The following JARID2 variants were observed in gnomAD, a reference collection of about 807,000 sequenced individuals.
JARID2 encodes the protein jumonji and AT-rich interaction domain containing 2.
Under a neutral mutation model 125.6 loss-of-function variants are expected in JARID2, and 21 were observed. That is an observed-to-expected ratio of 0.17 (90% CI 0.12 to 0.24). The LOEUF (loss-of-function observed/expected upper bound fraction) is 0.24, where lower values mean the gene tolerates loss of function less well. Among genes scored for constraint, JARID2 ranks in the 10% least tolerant of loss-of-function variants. The pLI, the probability that JARID2 is intolerant of heterozygous loss-of-function variation, is 1.00. For synonymous variants in JARID2, 736 were observed against 661.6 expected, an observed-to-expected ratio of 1.11 and a Z score of -1.73; for missense variants, 1,303 against 1,639.6, an observed-to-expected ratio of 0.79 and a Z score of 3.55.
intron 6 of JARID2, among the ~76,000 whole-genome samples, chr6:15,490,541 C>T (rs188194653): frequency 6.6e-5 from 10 of 152,332 alleles, no homozygotes; most frequent in Admixed American, 5.9e-4. Flanking sequence ...GGTGAGAGGG[C>T]TCTGGCCCCG....
chr6:15,496,843 G>T lies in JARID2; in HGVS notation c.1618G>T (p.Gly540Cys). The change falls in exon 7 of 18, where the codon GGC becomes TGC. Residue 540 changes from glycine to cysteine, a missense_variant. This residue lies in a region of JARID2 where 651 missense variants were observed against 581.6 expected (regional missense o/e 1.12). Transcript: ENST00000341776. ...GTCCGTGCACAAGCCGCAGGACTCG[G>T]GCAAGGCCGAGAAGGGCGGCGGCAA... ...PESVHKPQDS[G>C]KAEKGGGKAG... 1 of 1,602,464 alleles carries T rather than the reference G, an allele frequency of 6.2e-7. No homozygotes were observed. Among genetic ancestry groups the T allele is most frequent in the African/African-American group, 1.3e-5 (1 of 74,910 alleles).
chr6:15,333,022 C>T (rs1354203923), intron 1 of JARID2, among the ~76,000 whole-genome samples: 1 of 144,196 alleles, frequency 6.9e-6, no homozygotes, highest in African/African-American at 2.6e-5. Flanking sequence ...GGCTCCGCCT[C>T]CCGGGTTCAC....
At chr6:15,416,013 T>C (rs1352319590) in intron 3 of JARID2, among the ~76,000 whole-genome samples, 2 of 142,314 alleles carry the variant, frequency 1.4e-5, no homozygotes, top group African/African-American at 5.4e-5. Flanking sequence ...CCAGACGGGG[T>C]CATGGCCCGG....
chr6:15,425,375 A>G (rs1766679737), intron 3 of JARID2, among the ~76,000 whole-genome samples: 1 of 152,012 alleles, frequency 6.6e-6, no homozygotes, highest in Non-Finnish European at 1.5e-5. Flanking sequence ...GTTTTGAGCC[A>G]CAGAAATCTG....
chr6:15,509,266 G>C, intron 12 of JARID2: 1 of 985,418 alleles, frequency 1.0e-6, no homozygotes, highest in Non-Finnish European at 1.2e-6. Context: ...CAGATGTCTT[G>C]TCGTCTGATC....
intron 1 of JARID2, among the ~76,000 whole-genome samples, chr6:15,299,234 G>A (rs1561778620): frequency 6.6e-6 from 1 of 152,176 alleles, no homozygotes; most frequent in Non-Finnish European, 1.5e-5. Flanking sequence ...TGTAAAGAAC[G>A]TTGAGTGTAG....
At chr6:15,339,399 A>G (rs1762989387) in intron 1 of JARID2, among the ~76,000 whole-genome samples, 1 of 152,160 alleles carries the variant, frequency 6.6e-6, no homozygotes, top group African/African-American at 2.4e-5. Context: ...GGGACCAGAA[A>G]TTACATTAGA....
At chr6:15,435,545 G>A (rs907734789) in intron 3 of JARID2, among the ~76,000 whole-genome samples, 14 of 152,216 alleles carry the variant, frequency 9.2e-5, no homozygotes, top group Non-Finnish European at 1.8e-4. Flanking sequence ...GCACAAAAGT[G>A]GGGTCATTTC....
In JARID2 at chr6:15,501,229, C is replaced by T; in HGVS notation, c.2268C>T (p.Pro756=). 1 of 1,613,732 alleles carries T rather than the reference C, an allele frequency of 6.2e-7. No homozygotes were observed. Among genetic ancestry groups the T allele is most frequent in the African/African-American group, 1.3e-5 (1 of 75,048 alleles). Residue 756 remains proline (P), a synonymous_variant, in exon 8 of 18, where the codon CCC becomes CCT. Transcript: ENST00000341776. ...HKFHPLPRFE[P]KNGLIHGVAP... ...TCCACCCTCTGCCCCGCTTCGAGCC[C>T]AAGAATGGGCTCATCCACGGCGTGG...
chr6:15,332,930 C>CTTTTTTTTTTT (rs1319288795), intron 1 of JARID2, among the ~76,000 whole-genome samples: 5 of 82,816 alleles, frequency 6.0e-5, no homozygotes, highest in African/African-American at 8.9e-5. Flanking sequence ...CTTTTCTTTT[C>CTTTTTTTTTTT]TTTTCTTTTT....
chr6:15,447,513 T>TG (rs1455187727), intron 3 of JARID2, among the ~76,000 whole-genome samples: 1 of 152,194 alleles, frequency 6.6e-6, no homozygotes, highest in African/African-American at 2.4e-5. Context: ...GCCCAAGGCT[T>TG]GGGAGGGCAC....
chr6:15,497,103 G>C lies in JARID2; in HGVS notation c.1878G>C (p.Gln626His). 1 of 1,576,710 alleles carries C rather than the reference G, an allele frequency of 6.3e-7. No homozygotes were observed. Among genetic ancestry groups the C allele is most frequent in the Non-Finnish European group, 8.6e-7 (1 of 1,161,482 alleles). ...KLGRRWGPNV[Q>H]RLACIKKHLK... ...GCCGGCGCTGGGGCCCCAACGTGCA[G>C]CGGCTGGCCTGCATCAAGAAGCACC... Residue 626 changes from glutamine (Q) to histidine (H), a missense_variant, in exon 7 of 18, where the codon CAG (glutamine) becomes CAC (histidine). This residue lies in a region of JARID2 where 64 missense variants were observed against 166.8 expected (regional missense o/e 0.38). Transcript: ENST00000341776.
chr6:15,457,713 G>A (rs1294521590), intron 4 of JARID2, among the ~76,000 whole-genome samples: 2 of 151,778 alleles, frequency 1.3e-5, no homozygotes, highest in Admixed American at 6.6e-5. Flanking sequence ...GAAAGACAGC[G>A]AGTGGAGTTC....
chr6:15,380,012 T>C (rs1334900565), intron 2 of JARID2, among the ~76,000 whole-genome samples: 1 of 122,860 alleles, frequency 8.1e-6, no homozygotes, highest in Non-Finnish European at 1.7e-5. Flanking sequence ...AGGAGGTAAG[T>C]GGATTTTTTT....
At chr6:15,353,913 C>G (rs1006800181) in intron 1 of JARID2, among the ~76,000 whole-genome samples, 13 of 152,208 alleles carry the variant, frequency 8.5e-5, no homozygotes, top group African/African-American at 2.6e-4. Flanking sequence ...AAAATAAAAA[C>G]AAATGGGGAA....
In JARID2 at chr6:15,501,166, G is replaced by A. The variant is rs1770713164; in HGVS notation, c.2205G>A (p.Gly735=). 6.2e-7 allele frequency: 1 copy of A among 1,614,014 alleles called. No individual in the cohort carries two copies. Among genetic ancestry groups the A allele is most frequent in the Non-Finnish European group, 8.5e-7 (1 of 1,180,032 alleles). ...MEKEILEKRK[G]PLEGHTENDH... ...AGGAGATCCTGGAGAAGCGCAAGGGGCCGCTGGAAGGCCACACAGAGAACG... is the reference window on the plus strand; with the variant it reads ...AGGAGATCCTGGAGAAGCGCAAGGGACCGCTGGAAGGCCACACAGAGAACG... Residue 735 remains glycine, a synonymous_variant, in exon 8 of 18, where the codon GGG becomes GGA. Coordinates refer to ENST00000341776, the MANE Select transcript of JARID2 (RefSeq NM_004973.4).
chr6:15,395,402 A>T (rs565193956), intron 2 of JARID2, among the ~76,000 whole-genome samples: 1 of 151,740 alleles, frequency 6.6e-6, no homozygotes, highest in South Asian at 2.1e-4. Flanking sequence ...AGTAGTTGGG[A>T]CTACAGGCGT....
rs79373810 is a variant in JARID2, at chr6:15,378,967, C to T, written c.181+4715C>T. On this transcript the variant is annotated intron_variant, in intron 2 of 17. Coordinates refer to ENST00000341776, the MANE Select transcript of JARID2 (RefSeq NM_004973.4). ...TGCCCTTCATCTGTGTGAAGGGGGTCGGGTATCTGATGCCTGGGAACAGTG... is the reference window on the plus strand; with the variant it reads ...TGCCCTTCATCTGTGTGAAGGGGGTTGGGTATCTGATGCCTGGGAACAGTG... 7.6e-3 allele frequency among the ~76,000 whole-genome samples: 1,149 copies of T among 152,108 alleles called. 16 individuals carry two copies. Among genetic ancestry groups the T allele is most frequent in the African/African-American group, 0.026 (1,086 of 41,468 alleles).
At chr6:15,300,315 G>A (rs919356599) in intron 1 of JARID2, among the ~76,000 whole-genome samples, 19 of 152,198 alleles carry the variant, frequency 1.2e-4, no homozygotes, top group African/African-American at 3.6e-4. Flanking sequence ...TTAAGGAAAG[G>A]TGTATAACAA....
Sources: gnomAD v4.1 joint callset for allele counts (sites outside exome capture counted in the v4.1 genomes callset) on GRCh38, gnomAD v4.1.1 for gene constraint, gnomAD v4.1.1 regional missense constraint, MANE v1.5 for transcripts, NCBI Gene and HGNC (gene_info 2026-07-23, HGNC 2026-07-21) for gene names.